SNED1: variants seen among roughly 807,000 people sequenced by gnomAD.
SNED1 encodes sushi, nidogen and EGF-like domain-containing protein 1.
SNED1 carries 81 observed loss-of-function variants against 166.7 expected under a neutral mutation model. The observed-to-expected ratio is 0.49, with a 90% CI of 0.41 to 0.58. SNED1 has a LOEUF of 0.58. Ranked by LOEUF, SNED1 falls within the 20% of genes least tolerant of loss-of-function variation. SNED1 has a pLI of 0.00. For missense variants in SNED1, 1,604 were observed against 2,000.2 expected (o/e 0.80, Z 3.78); for synonymous variants, 762 against 822.0 (o/e 0.93, Z 1.25).
intron 1 of SNED1, among the ~76,000 whole-genome samples, chr2:241,024,093 C>T (rs2060858796): frequency 6.6e-6 from 1 of 151,126 alleles, no homozygotes; most frequent in Non-Finnish European, 1.5e-5. Flanking sequence ...ACCATGTTGG[C>T]CATGGCTGGT....
At chr2:241,009,406 G>A (rs1010075684) in intron 1 of SNED1, among the ~76,000 whole-genome samples, 1 of 152,196 alleles carries the variant, frequency 6.6e-6, no homozygotes, top group African/African-American at 2.4e-5. Context: ...GCTGACCATA[G>A]GGACTGGTGG....
chr2:241,068,057 G>C lies in SNED1; in HGVS notation c.3194+110G>C, dbSNP rs956889911. On this transcript the variant is annotated intron_variant, in intron 22 of 31. Coordinates refer to ENST00000310397, the MANE Select transcript of SNED1 (RefSeq NM_001080437.3). The surrounding 1 kb of genome is among the most constrained non-coding windows in gnomAD (Gnocchi z 5.3). ...TCTCCGTGTGTGGACTGTACCACCT[G>C]CCGCTCCTCACCTGAGCGGAGACAA... The C allele has an allele frequency of 9.7e-6, 10 of 1,025,768 alleles. No individual in the cohort carries two copies. The highest frequency in any genetic ancestry group is 1.4e-5 in the Non-Finnish European group (10 of 705,248). The allele number at this position is 1,025,768 out of a possible 1,614,324, so 63.5% of individuals were successfully genotyped here.
intron 1 of SNED1, among the ~76,000 whole-genome samples, chr2:241,028,787 T>C (rs2061064639): frequency 6.6e-6 from 1 of 152,196 alleles, no homozygotes; most frequent in Non-Finnish European, 1.5e-5. Context: ...TTTGCATTGA[T>C]CTCTTTGAAC....
intron 16 of SNED1, among the ~76,000 whole-genome samples, chr2:241,057,248 G>A (rs1272869386): frequency 3.3e-5 from 5 of 151,274 alleles, no homozygotes; most frequent in African/African-American, 1.2e-4. Flanking sequence ...GCATGGTGGT[G>A]GGCACCTGTA....
At position 241,067,890 on chromosome 2, in the gene SNED1, A is replaced by G. The variant is rs1365386524; in HGVS notation, c.3137A>G (p.Glu1046Gly). 2.5e-6 allele frequency: 4 copies of G among 1,613,336 alleles called. No homozygotes were observed. Among genetic ancestry groups the G allele is most frequent in the Non-Finnish European group, 2.5e-6 (3 of 1,179,834 alleles). The change falls in exon 22 of 32, where the codon GAG becomes GGG. Residue 1046 changes from glutamate (E) to glycine (G), a missense_variant. Transcript: ENST00000310397. ...GTCCGTGTGTCCATCCGCCACCCTG[A>G]GGCCCTCAGGGACCAGGCCACCGAT... Reference protein sequence around the residue: ...SGVRVSIRHPEALRDQATDVD... With the variant: ...SGVRVSIRHPGALRDQATDVD...
chr2:241,012,618 T>C (rs1260655802), intron 1 of SNED1, among the ~76,000 whole-genome samples: 1 of 152,194 alleles, frequency 6.6e-6, no homozygotes. Flanking sequence ...TTTAATTGAA[T>C]TTTTCCAGCC....
intron 31 of SNED1, chr2:241,090,315 C>T (rs1256102372): frequency 6.5e-7 from 1 of 1,549,914 alleles, no homozygotes; most frequent in African/African-American, 1.4e-5. Context: ...TCTTCCACTT[C>T]CACATCGTGT....
Position 241,094,393 on chromosome 2 carries a change from A to T in SNED1, c.*2757A>T. The T allele has an allele frequency of 2.1e-6, 1 of 471,240 alleles. No individual in the cohort carries two copies. The highest frequency in any genetic ancestry group is 1.5e-5 in the South Asian group (1 of 64,564). The allele number at this position is 471,240 out of a possible 1,614,324, so 29.2% of individuals were successfully genotyped here. A position where few individuals can be genotyped will look rare whatever the true frequency, so the allele number is the denominator to read the frequency against. ...CGAGCTGCTTTTCTTTTGCAAAACA[A>T]AAGTCTTTTTCTTTGCAGTCACGCT... On this transcript the variant is annotated 3_prime_UTR_variant, in exon 32 of 32. Coordinates refer to ENST00000310397, the MANE Select transcript of SNED1 (RefSeq NM_001080437.3). The surrounding 1 kb of genome is among the most constrained non-coding windows in gnomAD (Gnocchi z 4.3).
At chr2:241,081,073 G>A (rs145759841) in intron 27 of SNED1, among the ~76,000 whole-genome samples, 98 of 152,356 alleles carry the variant, frequency 6.4e-4, no homozygotes, top group African/African-American at 2.1e-3. Flanking sequence ...ACCAGTCCTC[G>A]TGTCACTCGA....
rs368005548 is a variant in SNED1, at chr2:241,082,342, G to A, written c.4099G>A (p.Glu1367Lys). 1.7e-5 allele frequency: 28 copies of A among 1,613,386 alleles called. No individual in the cohort carries two copies. The highest frequency in any genetic ancestry group is 1.1e-4 in the African/African-American group (8 of 74,902). The stretch of plus-strand genomic sequence containing the variant: ...CGAGACAAAGGCCTTTCCAGTCTGG[G>A]AGGGAGGCGTCTGTCACCACGTGTA... The part of the protein sequence containing the change: ...FSETKAFPVW[E>K]GGVCHHVYKR... The change falls in exon 29 of 32, where the codon GAG becomes AAG. Residue 1367 changes from glutamate (E) to lysine (K), a missense_variant. Transcript: ENST00000310397.
intron 21 of SNED1, among the ~76,000 whole-genome samples, 163 bp from the exon 22 acceptor site, chr2:241,067,601 G>A (rs2062513683): frequency 6.6e-6 from 1 of 152,030 alleles, no homozygotes; most frequent in Non-Finnish European, 1.5e-5. Flanking sequence ...CAGAGCCTGG[G>A]CATCCCACTC....
At chr2:241,087,321 T>C (rs1575140219) in intron 29 of SNED1, 71 bp from the exon 30 acceptor site, 7 of 1,437,322 alleles carry the variant, frequency 4.9e-6, no homozygotes, top group East Asian at 5.0e-5. Flanking sequence ...TGGGTTCACA[T>C]AGCCTAGGTT....
chr2:241,059,769 C>T (rs1258229898), intron 16 of SNED1, among the ~76,000 whole-genome samples: 3 of 152,164 alleles, frequency 2.0e-5, no homozygotes, highest in Non-Finnish European at 4.4e-5. Flanking sequence ...ATAATTTCCT[C>T]AACCTGATAA....
chr2:241,069,138 C>T lies in SNED1; in HGVS notation c.3307+115C>T. 1 of 680,236 alleles carries T rather than the reference C, an allele frequency of 1.5e-6. No homozygotes were observed. The highest frequency in any genetic ancestry group is 1.8e-5 in the African/African-American group (1 of 55,290). 42.1% of individuals were successfully genotyped at this position (680,236 alleles called of 1,614,324 possible). A position where few individuals can be genotyped will look rare whatever the true frequency, so the allele number is the denominator to read the frequency against. On this transcript the variant is annotated intron_variant, in intron 23 of 31. Coordinates refer to ENST00000310397, the MANE Select transcript of SNED1 (RefSeq NM_001080437.3). The surrounding 1 kb of genome is among the most constrained non-coding windows in gnomAD (Gnocchi z 4.9). Reference sequence around the variant, plus strand: ...CGTCCACAACACCAGAAACCCAGCCCCTGGCCTCCCAGATGTCTCTTCCGC... The same window carrying T: ...CGTCCACAACACCAGAAACCCAGCCTCTGGCCTCCCAGATGTCTCTTCCGC...
At chr2:241,038,360 G>A (rs1436880206) in intron 6 of SNED1, among the ~76,000 whole-genome samples, 1 of 152,204 alleles carries the variant, frequency 6.6e-6, no homozygotes, top group Non-Finnish European at 1.5e-5. Flanking sequence ...TACACATATT[G>A]GTATTGGAGA....
chr2:241,042,107 A>G (rs2061536797), intron 8 of SNED1, among the ~76,000 whole-genome samples: 1 of 152,162 alleles, frequency 6.6e-6, no homozygotes, highest in Non-Finnish European at 1.5e-5. Flanking sequence ...GGAGACAAAG[A>G]TCCTAGTTCA....
intron 12 of SNED1, 101 bp downstream of exon 12, chr2:241,050,034 T>G: frequency 3.6e-6 from 3 of 827,402 alleles, no homozygotes; most frequent in Non-Finnish European, 6.2e-6. Flanking sequence ...TTTCGCGAAT[T>G]GCTGACCTCG....
rs375681073 is a variant in SNED1 at position 241,068,037 on chromosome 2, G to C, written c.3194+90G>C. The C allele has an allele frequency of 2.7e-5, 33 of 1,213,754 alleles. No individual in the cohort carries two copies. In the African/African-American group the frequency reaches 3.2e-4, roughly 12 times the overall value. The allele number at this position is 1,213,754 out of a possible 1,614,324, so 75.2% of individuals were successfully genotyped here. A position where few individuals can be genotyped will look rare whatever the true frequency, so the allele number is the denominator to read the frequency against. On this transcript the variant is annotated intron_variant, in intron 22 of 31. Transcript: ENST00000310397. This position sits in a 1 kb window ranked among gnomAD's most constrained non-coding sequence, Gnocchi z 5.3. ...GGCCCAGGTCTCGGGCACATTCTCCGTGTGTGGACTGTACCACCTGCCGCT... is the reference window on the plus strand; with the variant it reads ...GGCCCAGGTCTCGGGCACATTCTCCCTGTGTGGACTGTACCACCTGCCGCT...
At chr2:241,036,583 C>CCA (rs1176070360) in intron 4 of SNED1, among the ~76,000 whole-genome samples, 2 of 152,092 alleles carry the variant, frequency 1.3e-5, no homozygotes, top group Non-Finnish European at 2.9e-5. Context: ...TCCCCAGAGG[C>CCA]CACGCCAACA....
Sources: gnomAD v4.1 joint callset for allele counts (sites outside exome capture counted in the v4.1 genomes callset) on GRCh38, gnomAD v4.1.1 for gene constraint, Gnocchi (gnomAD v3.1) non-coding constraint, MANE v1.5 for transcripts, NCBI Gene and HGNC (gene_info 2026-07-23, HGNC 2026-07-21) for gene names.